Variants in FAM210A observed in about 807,000 individuals in gnomAD.
FAM210A encodes the protein mitochondrial inner membrane scaffold 1, also known as family with sequence similarity 210 member A.
In FAM210A, 13 loss-of-function variants were observed where a neutral mutation model predicts 25.3. The ratio of observed to expected loss-of-function variants is 0.51; its 90% CI spans 0.33 to 0.82. FAM210A has a LOEUF of 0.82. FAM210A is among the 40% of genes least tolerant of loss of function. FAM210A has a pLI of 0.02. For missense variants in FAM210A, 319 were observed against 323.2 expected (o/e 0.99, Z 0.10); for synonymous variants, 125 against 118.7 (o/e 1.05, Z -0.35).
At chr18:13,700,869 T>G (rs1005736893) in intron 1 of FAM210A, among the ~76,000 whole-genome samples, 2 of 152,188 alleles carry the variant, frequency 1.3e-5, no homozygotes, top group African/African-American at 4.8e-5. Context: ...GACTGCTAAG[T>G]GTTCGAATAA....
chr18:13,686,345 ATAAG>A (rs74847218), intron 1 of FAM210A, among the ~76,000 whole-genome samples: 36,174 of 151,964 alleles, frequency 0.24, 5,150 homozygotes, highest in East Asian at 0.36. Flanking sequence ...TGTTATTGCC[ATAAG>A]TAACTATGAA....
chr18:13,690,782 T>G (rs577784897), intron 1 of FAM210A, among the ~76,000 whole-genome samples: 1 of 152,048 alleles, frequency 6.6e-6, no homozygotes, highest in Non-Finnish European at 1.5e-5. Flanking sequence ...CAAAGGTAGA[T>G]AAAACAACAA....
chr18:13,681,081 T>G (rs149385058), intron 2 of FAM210A, among the ~76,000 whole-genome samples: 1 of 152,170 alleles, frequency 6.6e-6, no homozygotes, highest in Non-Finnish European at 1.5e-5. Context: ...TATGGCAAAA[T>G]AGACATCTTT....
In FAM210A at chr18:13,708,657, C is replaced by G. The variant is rs143945890; in HGVS notation, c.-29+17672G>C. On this transcript the variant is annotated intron_variant, in intron 1 of 3. Transcript: ENST00000651643. ...CAAATATATTTCATATTATACTATACCTAGCTTCTTCAGCAATTCATTTCA... is the reference window on the plus strand; with the variant it reads ...CAAATATATTTCATATTATACTATAGCTAGCTTCTTCAGCAATTCATTTCA... Among the ~76,000 whole-genome samples, 25 of 152,306 alleles carry G rather than the reference C, an allele frequency of 1.6e-4. No homozygotes were observed. In the East Asian group the frequency reaches 4.6e-3, roughly 28 times the overall value.
chr18:13,690,300 C>A (rs2043632328), intron 1 of FAM210A, among the ~76,000 whole-genome samples: 1 of 152,236 alleles, frequency 6.6e-6, no homozygotes, highest in South Asian at 2.1e-4. Flanking sequence ...GAAGGCCTGC[C>A]TGCCTCTGTA....
At chr18:13,691,711 T>C (rs1190686359) in intron 1 of FAM210A, among the ~76,000 whole-genome samples, 2 of 148,618 alleles carry the variant, frequency 1.3e-5, no homozygotes, top group African/African-American at 5.0e-5. Context: ...CTGAGAGATT[T>C]TGTCACCACC....
In FAM210A at chr18:13,711,013, A is replaced by G. The variant is rs9952281; in HGVS notation, c.-29+15316T>C. ...ATTGTTGTATAGATATGCCATCAAG[A>G]AAGTAGGTCTTTATGTGATGTTTGC... is the stretch of plus-strand genomic sequence containing the variant. On this transcript the variant is annotated intron_variant, in intron 1 of 3. Transcript: ENST00000651643. 9.8e-3 allele frequency among the ~76,000 whole-genome samples: 1,485 copies of G among 152,204 alleles called. 23 individuals carry two copies. The highest frequency in any genetic ancestry group is 0.034 in the African/African-American group (1,432 of 41,558).
At chr18:13,716,305 G>A (rs1226053309) in intron 1 of FAM210A, among the ~76,000 whole-genome samples, 4 of 152,178 alleles carry the variant, frequency 2.6e-5, no homozygotes, top group South Asian at 2.1e-4. Flanking sequence ...CAGAGGCCCT[G>A]TTCTGCTCAG....
At chr18:13,673,959 CTTT>C (rs764527883) in intron 2 of FAM210A, among the ~76,000 whole-genome samples, 138 of 104,246 alleles carry the variant, frequency 1.3e-3, no homozygotes, top group African/African-American at 2.0e-3. Context: ...GCCCCGACTT[CTTT>C]ATTTCCAGTT....
chr18:13,671,752 G>A, intron 3 of FAM210A, 110 bp downstream of exon 3: 3 of 634,170 alleles, frequency 4.7e-6, no homozygotes, highest in Non-Finnish European at 2.8e-6. Context: ...ATGAAATACA[G>A]CGTTTCAAGT....
chr18:13,700,323 T>C (rs908911829), intron 1 of FAM210A, among the ~76,000 whole-genome samples: 1 of 152,248 alleles, frequency 6.6e-6, no homozygotes, highest in African/African-American at 2.4e-5. Context: ...CCAGGATGCA[T>C]GCACTGGTGC....
chr18:13,688,221 C>G lies in FAM210A; in HGVS notation c.-28-6116G>C, dbSNP rs113672147. On this transcript the variant is annotated intron_variant, in intron 1 of 3. Transcript: ENST00000651643. ...AGCAGGAAGCCTGAAACCCACAGCCCAAAGTGAGAACTTCCAAACGTGTGT... is the reference window on the plus strand; with the variant it reads ...AGCAGGAAGCCTGAAACCCACAGCCGAAAGTGAGAACTTCCAAACGTGTGT... Among the ~76,000 whole-genome samples, 1,108 of 152,268 alleles carry G rather than the reference C, an allele frequency of 7.3e-3. 12 individuals carry two copies. Among genetic ancestry groups the G allele is most frequent in the African/African-American group, 0.025 (1,056 of 41,530 alleles).
chr18:13,687,658 A>C (rs892347094), intron 1 of FAM210A: 4 of 152,236 alleles, frequency 2.6e-5, no homozygotes, highest in Non-Finnish European at 4.4e-5. Flanking sequence ...GCCCACCCTA[A>C]GGAGAATCAT....
At chr18:13,675,452 T>C (rs1194199089) in intron 2 of FAM210A, among the ~76,000 whole-genome samples, 2 of 36,206 alleles carry the variant, frequency 5.5e-5, no homozygotes, top group African/African-American at 1.2e-4. Context: ...TTATTTCCAG[T>C]TTCCTGATTA....
intron 1 of FAM210A, among the ~76,000 whole-genome samples, chr18:13,689,666 A>C (rs1486976565): frequency 2.6e-5 from 4 of 152,216 alleles, no homozygotes; most frequent in Non-Finnish European, 5.9e-5. Flanking sequence ...TAGTGCAACA[A>C]GGCAAGAAAA....
intron 1 of FAM210A, among the ~76,000 whole-genome samples, chr18:13,712,751 T>TA (rs1295322347): frequency 6.6e-6 from 1 of 151,892 alleles, no homozygotes; most frequent in African/African-American, 2.4e-5. Context: ...TTCCACTGTT[T>TA]ATGAGCCACC....
In FAM210A at chr18:13,665,492, G is replaced by A. The variant is rs1247780329; in HGVS notation, c.*988C>T. ...ACAATTTAAAACTTTACTCCATAAT[G>A]AAATCAGCATGAATTCTGAAACTAA... On this transcript the variant is annotated 3_prime_UTR_variant, in exon 4 of 4. Transcript: ENST00000651643. 5 of 149,420 alleles carry A rather than the reference G, an allele frequency of 3.3e-5. No homozygotes were observed. Among genetic ancestry groups the A allele is most frequent in the African/African-American group, 1.2e-4 (5 of 40,700 alleles). 9.3% of individuals were successfully genotyped at this position (149,420 alleles called of 1,614,324 possible). A position where few individuals can be genotyped will look rare whatever the true frequency, so the allele number is the denominator to read the frequency against.
chr18:13,680,569 C>G (rs906636426), intron 2 of FAM210A, among the ~76,000 whole-genome samples: 2 of 152,170 alleles, frequency 1.3e-5, no homozygotes, highest in Non-Finnish European at 2.9e-5. Context: ...CCTGGAAGAG[C>G]TACTTATAGC....
At chr18:13,692,796 A>G (rs1043214502) in intron 1 of FAM210A, among the ~76,000 whole-genome samples, 5 of 152,260 alleles carry the variant, frequency 3.3e-5, no homozygotes, top group Non-Finnish European at 7.3e-5. Flanking sequence ...AGAAAGCAGG[A>G]AAGATCTAAA....
Sources: gnomAD v4.1 joint callset for allele counts (sites outside exome capture counted in the v4.1 genomes callset) on GRCh38, gnomAD v4.1.1 for gene constraint, MANE v1.5 for transcripts, NCBI Gene and HGNC (gene_info 2026-07-23, HGNC 2026-07-21) for gene names.